FOLH1: variants seen among roughly 807,000 people sequenced by gnomAD.
The protein encoded by FOLH1 is glutamate carboxypeptidase 2.
A neutral mutation model predicts 93.9 loss-of-function variants in FOLH1; 54 were observed. That is an observed-to-expected ratio of 0.57 (90% CI 0.46 to 0.72). FOLH1 has a LOEUF of 0.72. Ranked by LOEUF, FOLH1 falls within the 30% of genes least tolerant of loss-of-function variation. The pLI, the probability that FOLH1 is intolerant of heterozygous loss-of-function variation, is 0.00. For missense variants in FOLH1, 571 were observed against 892.5 expected (o/e 0.64, Z 4.59); for synonymous variants, 249 against 303.6 (o/e 0.82, Z 1.87).
At position 49,200,340 on chromosome 11, in the gene FOLH1, T is replaced by G; in HGVS notation, c.326A>C (p.Glu109Ala). 1 of 1,613,536 alleles carries G rather than the reference T, an allele frequency of 6.2e-7. No homozygotes were observed. The highest frequency in any genetic ancestry group is 1.3e-5 in the African/African-American group (1 of 75,030). The change falls in exon 3 of 19, where the codon GAG (glutamate) becomes GCG (alanine). Residue 109 changes from glutamate to alanine, a missense_variant. Physicochemically the swap from Glu to Ala is moderately radical, Grantham distance 107 (BLOSUM62 -1). Transcript: ENST00000256999. The part of the protein sequence containing the change: ...QWKEFGLDSV[E>A]LAHYDVLLSY... ...CAACAGGACATCATAATGTGCTAGC[T>G]CAACAGAATCCAGGCCAAATTCTTT...
chr11:49,191,300 C>T (rs1862010867), intron 4 of FOLH1, among the ~76,000 whole-genome samples: 1 of 152,232 alleles, frequency 6.6e-6, no homozygotes, highest in Admixed American at 6.5e-5. Context: ...GCGTTAGCCA[C>T]TGCGCCTGGC....
At chr11:49,179,173 G>A (rs35423097) in intron 7 of FOLH1, among the ~76,000 whole-genome samples, 2 of 152,184 alleles carry the variant, frequency 1.3e-5, no homozygotes, top group South Asian at 2.1e-4. Flanking sequence ...AAATGAGGGC[G>A]AAGAGCCTTC....
At chr11:49,182,436 A>G (rs947823823) in intron 7 of FOLH1, among the ~76,000 whole-genome samples, 11 of 151,782 alleles carry the variant, frequency 7.2e-5, no homozygotes, top group African/African-American at 2.7e-4. Context: ...GGAAAGTTTC[A>G]ATAATGAAAG....
At position 49,159,981 on chromosome 11, in the gene FOLH1, T is replaced by C. The variant is rs113523069; in HGVS notation, c.1441-1938A>G. On this transcript the variant is annotated intron_variant, in intron 13 of 18. Coordinates refer to ENST00000256999, the MANE Select transcript of FOLH1 (RefSeq NM_004476.3). ...ACTGTCACCTGAGCTAGAGTGCAAT[T>C]GCGCGATCTCTGCTCACTGCAACCT... Among the ~76,000 whole-genome samples the C allele has an allele frequency of 3.5e-4, 53 of 152,064 alleles. 1 individual carries two copies. The highest frequency in any genetic ancestry group is 5.7e-4 in the Non-Finnish European group (39 of 67,966).
At chr11:49,188,650 T>G (rs978220423) in intron 4 of FOLH1, among the ~76,000 whole-genome samples, 4 of 152,116 alleles carry the variant, frequency 2.6e-5, no homozygotes, top group Non-Finnish European at 5.9e-5. Context: ...TTGAATGCAA[T>G]GAGTGGGACA....
chr11:49,181,776 T>C (rs1230961195), intron 7 of FOLH1, among the ~76,000 whole-genome samples: 1 of 152,104 alleles, frequency 6.6e-6, no homozygotes, highest in Non-Finnish European at 1.5e-5. Flanking sequence ...CAGTAAATCT[T>C]ATAGCCCCAA....
At chr11:49,160,136 C>G (rs956850200) in intron 13 of FOLH1, among the ~76,000 whole-genome samples, 2 of 152,010 alleles carry the variant, frequency 1.3e-5, no homozygotes, top group African/African-American at 4.8e-5. Context: ...ATAATGTTCT[C>G]TGATGTTTGT....
At chr11:49,179,171 G>C (rs1234806441) in intron 7 of FOLH1, among the ~76,000 whole-genome samples, 1 of 152,178 alleles carries the variant, frequency 6.6e-6, no homozygotes, top group Non-Finnish European at 1.5e-5. Context: ...AAAAATGAGG[G>C]CGAAGAGCCT....
intron 2 of FOLH1, among the ~76,000 whole-genome samples, chr11:49,201,651 TAAGAGGCAG>T (rs1863269210): frequency 2.6e-5 from 4 of 152,126 alleles, no homozygotes; most frequent in Non-Finnish European, 5.9e-5. Context: ...GACACAAACA[TAAGAGGCAG>T]CTAAGGAGTC....
At chr11:49,148,368 T>C (rs971636231) in intron 18 of FOLH1, among the ~76,000 whole-genome samples, 1 of 151,614 alleles carries the variant, frequency 6.6e-6, no homozygotes, top group African/African-American at 2.4e-5. Flanking sequence ...GAGATTTTTA[T>C]TTTTTGTCAT....
intron 10 of FOLH1, among the ~76,000 whole-genome samples, chr11:49,171,689 A>G (rs1172622349): frequency 6.6e-6 from 1 of 152,154 alleles, no homozygotes; most frequent in Non-Finnish European, 1.5e-5. Context: ...TCAAATGAAC[A>G]ATTGTTCAAT....
At chr11:49,182,357 T>A (rs1226591171) in intron 7 of FOLH1, among the ~76,000 whole-genome samples, 32 of 114,360 alleles carry the variant, frequency 2.8e-4, no homozygotes, top group African/African-American at 3.5e-4. Context: ...AAAAAGGACA[T>A]GGCAATGGGA....
chr11:49,202,112 C>T (rs1863322205), intron 2 of FOLH1, among the ~76,000 whole-genome samples: 2 of 152,036 alleles, frequency 1.3e-5, no homozygotes, highest in Admixed American at 6.5e-5. Context: ...AGTATGTAAC[C>T]CTAGCTGTGT....
At chr11:49,161,454 G>C (rs1857692382) in intron 13 of FOLH1, among the ~76,000 whole-genome samples, 1 of 152,008 alleles carries the variant, frequency 6.6e-6, no homozygotes, top group South Asian at 2.1e-4. Context: ...TGCAACTCCT[G>C]CATTTTTCTG....
intron 12 of FOLH1, among the ~76,000 whole-genome samples, chr11:49,167,385 G>C (rs1293432392): frequency 1.3e-5 from 2 of 152,134 alleles, no homozygotes; most frequent in Non-Finnish European, 2.9e-5. Flanking sequence ...GGAAGTTGCA[G>C]GGCCAGGAAT....
intron 15 of FOLH1, 62 bp from the exon 16 acceptor site, chr11:49,154,554 A>G (rs1856807883): frequency 6.4e-7 from 1 of 1,555,548 alleles, no homozygotes. Flanking sequence ...GATTAGCACC[A>G]TATTTACTAT....
chr11:49,193,093 TC>T (rs1565202572), intron 3 of FOLH1, among the ~76,000 whole-genome samples, 199 bp from the exon 4 acceptor site: 1 of 152,266 alleles, frequency 6.6e-6, no homozygotes, highest in East Asian at 1.9e-4. Flanking sequence ...ACAGATTCTG[TC>T]CTCAAAATGG....
chr11:49,187,955 C>G (rs1262700963), intron 4 of FOLH1, among the ~76,000 whole-genome samples: 2 of 152,218 alleles, frequency 1.3e-5, no homozygotes, highest in African/African-American at 2.4e-5. Flanking sequence ...CCAAGGCTAT[C>G]CTTCAGCTGG....
At position 49,208,310 on chromosome 11, in the gene FOLH1, G is replaced by A. The variant is rs775151051; in HGVS notation, c.100C>T (p.Leu34Phe). 6 of 1,573,754 alleles carry A rather than the reference G, an allele frequency of 3.8e-6. No homozygotes were observed. The African/African-American group carries it at 6.8e-5, about 18-fold the overall frequency. ...GALVLAGGFF[L>F]LGFLFGWFIK... ...CCCCTACCGAAGAGGAAGCCGAGGA[G>A]AAAGAAGCCACCCGCCAGCACCAGC... Residue 34 changes from leucine (L) to phenylalanine (F), a missense_variant, in exon 1 of 19, where the codon CTC becomes TTC. By Grantham distance (22) the Leu-to-Phe change is conservative. Coordinates refer to ENST00000256999, the MANE Select transcript of FOLH1 (RefSeq NM_004476.3).
Sources: gnomAD v4.1 joint callset for allele counts (sites outside exome capture counted in the v4.1 genomes callset) on GRCh38, gnomAD v4.1.1 for gene constraint, MANE v1.5 for transcripts, NCBI Gene and HGNC (gene_info 2026-07-23, HGNC 2026-07-21) for gene names.